The following PDE4D variants were observed in gnomAD, a reference collection of about 807,000 sequenced individuals.
PDE4D encodes the protein 3',5'-cyclic-AMP phosphodiesterase 4D.
A neutral mutation model predicts 87.4 loss-of-function variants in PDE4D; 24 were observed. The observed-to-expected ratio is 0.27, with a 90% CI of 0.20 to 0.39. The LOEUF (loss-of-function observed/expected upper bound fraction) is 0.39, where lower values mean the gene tolerates loss of function less well. PDE4D is among the 10% of genes least tolerant of loss of function. PDE4D has a pLI of 1.00. For synonymous variants in PDE4D, 384 were observed against 383.2 expected (o/e 1.00, Z -0.02); for missense variants, 714 against 1,041.0 (o/e 0.69, Z 4.32).
At chr5:59,345,186 G>A (rs918706783) in intron 1 of PDE4D, among the ~76,000 whole-genome samples, 3 of 152,246 alleles carry the variant, frequency 2.0e-5, no homozygotes, top group South Asian at 2.1e-4. Context: ...TTATTTTAGC[G>A]TGACTTACAC....
intron 1 of PDE4D, among the ~76,000 whole-genome samples, chr5:59,575,649 G>C (rs988460799): frequency 6.6e-6 from 1 of 151,956 alleles, no homozygotes; most frequent in African/African-American, 2.4e-5. Context: ...CAAAAACATG[G>C]GCTATATCCT....
intron 1 of PDE4D, among the ~76,000 whole-genome samples, chr5:59,597,130 G>C (rs903408537): frequency 1.1e-4 from 16 of 152,106 alleles, no homozygotes; most frequent in African/African-American, 3.6e-4. Flanking sequence ...ACAGGAGCTA[G>C]TCTGAGTCAG....
intron 1 of PDE4D, among the ~76,000 whole-genome samples, chr5:60,316,403 T>G (rs1296283972): frequency 6.6e-6 from 1 of 152,170 alleles, no homozygotes; most frequent in Non-Finnish European, 1.5e-5. Context: ...GATGGGGTTT[T>G]CTAGATATAC....
At chr5:59,084,331 T>G (rs1767294635) in intron 5 of PDE4D, among the ~76,000 whole-genome samples, 1 of 151,882 alleles carries the variant, frequency 6.6e-6, no homozygotes, top group Non-Finnish European at 1.5e-5. Flanking sequence ...TTATTAGAGA[T>G]ATAAATATAT....
At chr5:59,929,024 T>G (rs1271461377) in intron 3 of PDE4D, among the ~76,000 whole-genome samples, 1 of 151,998 alleles carries the variant, frequency 6.6e-6, no homozygotes, top group Non-Finnish European at 1.5e-5. Flanking sequence ...AAATAAGGAT[T>G]CTTTTCTGAG....
intron 1 of PDE4D, among the ~76,000 whole-genome samples, chr5:60,462,782 C>A (rs1747057538): frequency 6.6e-6 from 1 of 152,198 alleles, no homozygotes; most frequent in Non-Finnish European, 1.5e-5. Flanking sequence ...TCATTGCCAT[C>A]CATTGGCATC....
intron 2 of PDE4D, among the ~76,000 whole-genome samples, chr5:60,105,093 C>T (rs1776723869): frequency 6.6e-6 from 1 of 152,108 alleles, no homozygotes; most frequent in African/African-American, 2.4e-5. Context: ...AAACCAAAGG[C>T]AAAGAAGTTG....
At chr5:60,112,580 T>G (rs1562110201) in intron 2 of PDE4D, among the ~76,000 whole-genome samples, 2 of 152,092 alleles carry the variant, frequency 1.3e-5, no homozygotes, top group Non-Finnish European at 2.9e-5. Flanking sequence ...ATGCCTGATC[T>G]CATTATTTTG....
chr5:60,480,635 A>G (rs1748658504), intron 1 of PDE4D, among the ~76,000 whole-genome samples: 1 of 152,226 alleles, frequency 6.6e-6, no homozygotes, highest in East Asian at 1.9e-4. Flanking sequence ...CAAAAACCAC[A>G]ATTACTTTTG....
intron 1 of PDE4D, among the ~76,000 whole-genome samples, chr5:59,267,209 T>A (rs1049967509): frequency 2.0e-5 from 3 of 152,110 alleles, no homozygotes; most frequent in Non-Finnish European, 4.4e-5. Context: ...TAGAATGCCA[T>A]TGGTTAAAAG....
At chr5:59,654,552 GAA>G (rs1744047716) in intron 1 of PDE4D, among the ~76,000 whole-genome samples, 1 of 152,190 alleles carries the variant, frequency 6.6e-6, no homozygotes, top group South Asian at 2.1e-4. Context: ...CACTACTTAG[GAA>G]AATTGTTCTA....
chr5:59,416,028 A>G (rs966954647), intron 1 of PDE4D, among the ~76,000 whole-genome samples: 4 of 152,192 alleles, frequency 2.6e-5, no homozygotes, highest in African/African-American at 9.6e-5. Context: ...TCGGAAGATG[A>G]CTGAGGAGAA....
chr5:59,768,496 G>A, intron 1 of PDE4D: 1 of 1,598,300 alleles, frequency 6.3e-7, no homozygotes, highest in Non-Finnish European at 8.5e-7. Context: ...GTCCGGGCTT[G>A]TCTGCTGAGC....
At chr5:59,002,610 C>G (rs1306572757) in intron 6 of PDE4D, among the ~76,000 whole-genome samples, 3 of 152,140 alleles carry the variant, frequency 2.0e-5, no homozygotes, top group African/African-American at 7.2e-5. Flanking sequence ...ACATGCCTGG[C>G]CAGTCTTCAG....
At chr5:59,525,806 G>C (rs1016379632) in intron 1 of PDE4D, among the ~76,000 whole-genome samples, 1 of 152,106 alleles carries the variant, frequency 6.6e-6, no homozygotes, top group African/African-American at 2.4e-5. Flanking sequence ...AGTTCTATAA[G>C]GGGCTTTTTC....
At chr5:59,202,658 C>T (rs1324346455) in intron 2 of PDE4D, among the ~76,000 whole-genome samples, 1 of 151,984 alleles carries the variant, frequency 6.6e-6, no homozygotes, top group Non-Finnish European at 1.5e-5. Flanking sequence ...GTCTTTCCTG[C>T]GTTGTTCTCA....
chr5:59,861,686 C>CTTCA (rs1746312679), intron 1 of PDE4D, among the ~76,000 whole-genome samples: 1 of 152,188 alleles, frequency 6.6e-6, no homozygotes, highest in South Asian at 2.1e-4. Context: ...TGGACAAAAA[C>CTTCA]TTCACCCTGT....
At chr5:59,631,180 A>G (rs528278792) in intron 1 of PDE4D, among the ~76,000 whole-genome samples, 14 of 152,134 alleles carry the variant, frequency 9.2e-5, no homozygotes, top group Non-Finnish European at 1.9e-4. Context: ...GACACTATCA[A>G]TTATGTATTA....
chr5:60,127,823 G>A (rs1779242933), intron 2 of PDE4D: 1 of 442,860 alleles, frequency 2.3e-6, no homozygotes, highest in East Asian at 3.3e-5. Flanking sequence ...TATACAAATT[G>A]GCGAGTCCTT....
Sources: gnomAD v4.1 joint callset for allele counts (sites outside exome capture counted in the v4.1 genomes callset) on GRCh38, gnomAD v4.1.1 for gene constraint, MANE v1.5 for transcripts, NCBI Gene and HGNC (gene_info 2026-07-23, HGNC 2026-07-21) for gene names.